The following TJP2 variants were observed in gnomAD, a reference collection of about 807,000 sequenced individuals.
TJP2 encodes the protein Friedreich ataxia region gene X104 (tight junction protein ZO-2).
Under a neutral mutation model 133.1 loss-of-function variants are expected in TJP2, and 91 were observed. The ratio of observed to expected loss-of-function variants is 0.68; its 90% CI spans 0.58 to 0.81. The LOEUF (loss-of-function observed/expected upper bound fraction) is 0.81. Ranked by LOEUF, TJP2 falls within the 40% of genes least tolerant of loss-of-function variation. The probability of loss-of-function intolerance (pLI) is 0.00; values close to 1 mark genes in which losing one functional copy is unlikely to be tolerated. For synonymous variants in TJP2, 592 were observed against 583.4 expected (o/e 1.01, Z -0.21); for missense variants, 1,541 against 1,565.6 (o/e 0.98, Z 0.26).
chr9:69,235,531 C>A (rs914701797), intron 12 of TJP2, among the ~76,000 whole-genome samples: 29 of 151,930 alleles, frequency 1.9e-4, no homozygotes, highest in Non-Finnish European at 8.8e-5. Flanking sequence ...ACTGTGTTAG[C>A]CAGGATGGTC....
At chr9:69,196,894 A>T (rs929363232) in intron 1 of TJP2, among the ~76,000 whole-genome samples, 24 of 147,210 alleles carry the variant, frequency 1.6e-4, no homozygotes. Context: ...TTGTCATTTT[A>T]TGTCTGATTT....
chr9:69,231,078 A>G (rs1348072036), intron 11 of TJP2, among the ~76,000 whole-genome samples: 1 of 151,960 alleles, frequency 6.6e-6, no homozygotes, highest in East Asian at 1.9e-4. Context: ...GTATCTCCTT[A>G]CAATAAAAAT....
At chr9:69,195,828 T>G (rs1826521137) in intron 1 of TJP2, among the ~76,000 whole-genome samples, 1 of 152,200 alleles carries the variant, frequency 6.6e-6, no homozygotes, top group Non-Finnish European at 1.5e-5. Context: ...GCAGAAGACT[T>G]ATTGGGCTGT....
chr9:69,217,728 T>C (rs1328130128), intron 3 of TJP2, among the ~76,000 whole-genome samples: 1 of 152,224 alleles, frequency 6.6e-6, no homozygotes, highest in Non-Finnish European at 1.5e-5. Context: ...TATAGTTTTA[T>C]CAAAGTTAGT....
intron 1 of TJP2, chr9:69,122,145 C>A (rs1822172631): frequency 6.6e-6 from 1 of 152,342 alleles, no homozygotes; most frequent in African/African-American, 2.4e-5. Flanking sequence ...GCCTGGCACC[C>A]TTTCACTCAA....
At chr9:69,196,550 G>C (rs1037749267) in intron 1 of TJP2, among the ~76,000 whole-genome samples, 1 of 152,150 alleles carries the variant, frequency 6.6e-6, no homozygotes, top group Admixed American at 6.6e-5. Flanking sequence ...GTAAAGGGTG[G>C]AGCATGGATT....
At chr9:69,226,221 T>A (rs536562551) in intron 7 of TJP2, 46 bp downstream of exon 7, 2 of 1,596,714 alleles carry the variant, frequency 1.3e-6, no homozygotes, top group South Asian at 2.2e-5. Flanking sequence ...TAAGGAAGGC[T>A]GTTGCTTCCC....
intron 5 of TJP2, 75 bp downstream of exon 5, chr9:69,221,571 C>A: frequency 6.9e-7 from 1 of 1,446,998 alleles, no homozygotes; most frequent in Non-Finnish European, 9.4e-7. Context: ...TTTTTTTTTT[C>A]CCCCGAAAGT....
At chr9:69,215,968 T>C (rs1197060266) in intron 2 of TJP2, among the ~76,000 whole-genome samples, 1 of 152,198 alleles carries the variant, frequency 6.6e-6, no homozygotes, top group East Asian at 1.9e-4. Flanking sequence ...GGTTCAGTTT[T>C]TACTGAAGTT....
At chr9:69,220,457 G>A (rs73649626) in intron 4 of TJP2, among the ~76,000 whole-genome samples, 9 of 152,260 alleles carry the variant, frequency 5.9e-5, no homozygotes, top group East Asian at 3.9e-4. Context: ...TCACCCTACC[G>A]ATCTAACATT....
chr9:69,254,042 C>A, intron 22 of TJP2, 167 bp from the exon 23 acceptor site: 1 of 794,634 alleles, frequency 1.3e-6, no homozygotes, highest in Non-Finnish European at 2.1e-6. Flanking sequence ...TGACCTATTA[C>A]GAACCTGGAG....
At chr9:69,197,070 G>T (rs910755700) in intron 1 of TJP2, among the ~76,000 whole-genome samples, 6 of 152,034 alleles carry the variant, frequency 3.9e-5, no homozygotes, top group Admixed American at 2.0e-4. Flanking sequence ...CCCAGTTCAA[G>T]TGATTATCCT....
chr9:69,227,319 C>G (rs774788903), intron 7 of TJP2, among the ~76,000 whole-genome samples: 2 of 152,130 alleles, frequency 1.3e-5, no homozygotes, highest in African/African-American at 4.8e-5. Context: ...TCCCCCAACC[C>G]CTGACCCCAA....
chr9:69,176,882 T>C (rs1825130882), intron 1 of TJP2, among the ~76,000 whole-genome samples: 1 of 152,078 alleles, frequency 6.6e-6, no homozygotes, highest in Non-Finnish European at 1.5e-5. Flanking sequence ...ACTTTAGTCC[T>C]GTGTACAATA....
chr9:69,178,477 C>G (rs974747117), intron 1 of TJP2, among the ~76,000 whole-genome samples: 3 of 152,164 alleles, frequency 2.0e-5, no homozygotes, highest in African/African-American at 7.2e-5. Context: ...CCCTTGACAT[C>G]TGAGGTGTGC....
At chr9:69,205,478 C>T (rs977801574) in intron 1 of TJP2, among the ~76,000 whole-genome samples, 1 of 152,192 alleles carries the variant, frequency 6.6e-6, no homozygotes, top group African/African-American at 2.4e-5. Flanking sequence ...GGATCAAAGG[C>T]TGCTGTTTTC....
intron 11 of TJP2, among the ~76,000 whole-genome samples, chr9:69,231,884 A>AT (rs554670011): frequency 6.6e-6 from 1 of 152,208 alleles, no homozygotes; most frequent in African/African-American, 2.4e-5. Flanking sequence ...GGAAAAAGGC[A>AT]TTTTTTCTAA....
At chr9:69,203,077 G>A (rs1345423148) in intron 1 of TJP2, among the ~76,000 whole-genome samples, 1 of 151,988 alleles carries the variant, frequency 6.6e-6, no homozygotes, top group Non-Finnish European at 1.5e-5. Flanking sequence ...TTCCTCATGA[G>A]GATAAGCTCA....
chr9:69,133,106 C>T (rs1822568695), intron 1 of TJP2, among the ~76,000 whole-genome samples: 1 of 152,112 alleles, frequency 6.6e-6, no homozygotes, highest in South Asian at 2.1e-4. Context: ...GGACTACAGG[C>T]ATGTGCCATC....
Sources: allele counts gnomAD v4.1 joint callset (sites outside exome capture counted in the v4.1 genomes callset), GRCh38; gene constraint gnomAD v4.1.1; transcripts MANE v1.5; gene names NCBI Gene and HGNC (gene_info 2026-07-23, HGNC 2026-07-21).